The following INTS11 variants were observed in gnomAD, a reference collection of about 807,000 sequenced individuals.
INTS11 encodes CPSF3-like protein.
Under a neutral mutation model 78.6 loss-of-function variants are expected in INTS11, and 77 were observed. The ratio of observed to expected loss-of-function variants is 0.98; its 90% CI spans 0.81 to 1.18. The LOEUF (loss-of-function observed/expected upper bound fraction) is 1.18, where lower values mean the gene tolerates loss of function less well. Among genes scored for constraint, INTS11 ranks in the 50% most tolerant of loss-of-function variants. The probability of loss-of-function intolerance (pLI) is 0.00; values close to 1 mark genes in which losing one functional copy is unlikely to be tolerated. For synonymous variants in INTS11, 441 were observed against 326.9 expected, an observed-to-expected ratio of 1.35 and a Z score of -3.77; for missense variants, 875 against 825.9, an observed-to-expected ratio of 1.06 and a Z score of -0.73.
chr1:1,313,239 C>T, intron 10 of INTS11, 115 bp from the exon 11 acceptor site: 1 of 1,217,554 alleles, frequency 8.2e-7, no homozygotes, highest in East Asian at 2.6e-5. Context: ...CCAGCGGCGC[C>T]CGACCAAGCC....
chr1:1,313,293 C>G, intron 10 of INTS11, 169 bp from the exon 11 acceptor site: 1 of 921,338 alleles, frequency 1.1e-6, no homozygotes, highest in Non-Finnish European at 1.7e-6. Flanking sequence ...ACAAGACTGT[C>G]CAGGGCTGGG....
chr1:1,314,471 G>T lies in INTS11; in HGVS notation c.703-106C>A. 1 of 987,192 alleles carries T rather than the reference G, an allele frequency of 1.0e-6. No individual in the cohort carries two copies. 61.2% of individuals were successfully genotyped at this position (987,192 alleles called of 1,614,324 possible). A position where few individuals can be genotyped will look rare whatever the true frequency, so the allele number is the denominator to read the frequency against. ...TGCCCAAGAGCTGCGGCCTCATAGG[G>T]ACCTTAGCCTCTCATCTGCTCCCAG... On this transcript the variant is annotated intron_variant, in intron 7 of 16. Transcript: ENST00000435064. The surrounding 1 kb of genome is among the most constrained non-coding windows in gnomAD (Gnocchi z 4.2).
chr1:1,321,236 A>C, intron 1 of INTS11, 143 bp from the exon 2 acceptor site: 1 of 619,412 alleles, frequency 1.6e-6, no homozygotes, highest in Non-Finnish European at 2.9e-6. Context: ...AAGCAGGGCC[A>C]CCCCTACTCA....
intron 1 of INTS11, 59 bp downstream of exon 1, chr1:1,324,522 G>C: frequency 6.5e-7 from 1 of 1,537,370 alleles, no homozygotes; most frequent in Non-Finnish European, 8.8e-7. Flanking sequence ...GGGGCGCCCA[G>C]CCCGCCCGGA....
intron 1 of INTS11, among the ~76,000 whole-genome samples, chr1:1,324,179 G>GGGGGCTGGGGGGCTGCTGGGCT (rs1449906347): frequency 6.0e-5 from 1 of 16,636 alleles, no homozygotes; most frequent in South Asian, 1.8e-3. Context: ...TGAGGGGCTG[G>GGGGGCTGGGGGGCTGCTGGGCT]GAGGCTGAGA....
Position 1,312,918 on chromosome 1 carries a change from G to A in INTS11, c.1163C>T (p.Ser388Leu). 6.2e-7 allele frequency: 1 copy of A among 1,612,390 alleles called. No individual in the cohort carries two copies. The highest frequency in any genetic ancestry group is 8.5e-7 in the Non-Finnish European group (1 of 1,179,678). The change falls in exon 12 of 17, where the codon TCA (serine) becomes TTA (leucine). Residue 388 changes from serine to leucine, a missense_variant. Ser to Leu is a moderately radical substitution (Grantham distance 145, BLOSUM62 -2). Coordinates refer to ENST00000435064, the MANE Select transcript of INTS11 (RefSeq NM_017871.6). Reference protein sequence around the residue: ...LEVKMQVEYMSFSAHADAKGI... With the variant: ...LEVKMQVEYMLFSAHADAKGI... ...CTTGGCGTCCGCGTGTGCGCTGAAT[G>A]ACATGTACTCCACCTGCATCTTGAC...
intron 4 of INTS11, chr1:1,316,865 A>T (rs545664177): frequency 5.3e-5 from 8 of 150,162 alleles, no homozygotes; most frequent in Non-Finnish European, 1.0e-4. Flanking sequence ...CGGAGGTTGC[A>T]GTAAGCCGAG....
At position 1,314,097 on chromosome 1, in the gene INTS11, C is replaced by T. The variant is rs1570713446; in HGVS notation, c.768-176G>A. The stretch of plus-strand genomic sequence containing the variant: ...GCAGCAGCCGGGCTCAGCGGAGAAC[C>T]AGGAACCCCTACAAGAGCCGCACAC... On this transcript the variant is annotated intron_variant, in intron 8 of 16. Coordinates refer to ENST00000435064, the MANE Select transcript of INTS11 (RefSeq NM_017871.6). The surrounding 1 kb of genome is among the most constrained non-coding windows in gnomAD (Gnocchi z 4.2). 1.3e-6 allele frequency: 1 copy of T among 775,486 alleles called. No homozygotes were observed. Among genetic ancestry groups the T allele is most frequent in the East Asian group, 2.7e-5 (1 of 37,234 alleles). The allele number at this position is 775,486 out of a possible 1,614,324, so 48.0% of individuals were successfully genotyped here.
At position 1,312,165 on chromosome 1, in the gene INTS11, G is replaced by A; in HGVS notation, c.1608-18C>T. On this transcript the variant is annotated intron_variant, in intron 15 of 16. Coordinates refer to ENST00000435064, the MANE Select transcript of INTS11 (RefSeq NM_017871.6). ...TCAGGACGCTGTGGGGAGGCTCGGT[G>A]AGACCCTGCCTGGCCTCCAGGGCCC... 1 of 1,478,956 alleles carries A rather than the reference G, an allele frequency of 6.8e-7. No individual in the cohort carries two copies. The highest frequency in any genetic ancestry group is 1.5e-5 in the African/African-American group (1 of 66,394). 91.6% of individuals were successfully genotyped at this position (1,478,956 alleles called of 1,614,324 possible). A position where few individuals can be genotyped will look rare whatever the true frequency, so the allele number is the denominator to read the frequency against.
Position 1,312,694 on chromosome 1 carries a change from T to C in INTS11, c.1301A>G (p.Asn434Ser), listed in dbSNP as rs370626483. The change falls in exon 13 of 17, where the codon AAC becomes AGC. Residue 434 changes from asparagine to serine, a missense_variant. Coordinates refer to ENST00000435064, the MANE Select transcript of INTS11 (RefSeq NM_017871.6). ...KQKIEQELRV[N>S]CYMPANGETV... The stretch of plus-strand genomic sequence containing the variant: ...CTCGCCATTGGCCGGCATGTAGCAG[T>C]TGACCCCTGGACCCCGGGGGAAGAG... The C allele has an allele frequency of 3.1e-6, 5 of 1,593,802 alleles. No individual in the cohort carries two copies. Among genetic ancestry groups the C allele is most frequent in the African/African-American group, 2.7e-5 (2 of 74,596 alleles).
chr1:1,322,804 A>G (rs1001993670), intron 1 of INTS11: 1 of 823,090 alleles, frequency 1.2e-6, no homozygotes, highest in Admixed American at 5.2e-5. Context: ...CCAAGGACAC[A>G]GCAGTGGTCC....
At position 1,314,176 on chromosome 1, in the gene INTS11, G is replaced by C; in HGVS notation, c.767+125C>G. The C allele has an allele frequency of 2.1e-6, 2 of 953,834 alleles. No individual in the cohort carries two copies. The highest frequency in any genetic ancestry group is 3.3e-6 in the Non-Finnish European group (2 of 607,734). The allele number at this position is 953,834 out of a possible 1,614,324, so 59.1% of individuals were successfully genotyped here. A position where few individuals can be genotyped will look rare whatever the true frequency, so the allele number is the denominator to read the frequency against. On this transcript the variant is annotated intron_variant, in intron 8 of 16. Transcript: ENST00000435064. This position sits in a 1 kb window ranked among gnomAD's most constrained non-coding sequence, Gnocchi z 4.2. ...CCTGGGGTCACACAGCACACGAGCG[G>C]CCCCCCAGGACAGCAGCAAGCAGGG...
chr1:1,312,279 A>G lies in INTS11; in HGVS notation c.1554T>C (p.His518=), dbSNP rs1189787918. The part of the protein sequence containing the change: ...QLRFTCRVHL[H]DTRKEQETAL... ...CCGTCTCCTGCTCCTTGCGTGTGTC[A>G]TGCAGGTGCACGCGGCAGGTGAAGC... Residue 518 remains histidine, a synonymous_variant, in exon 15 of 17, where the codon CAT becomes CAC. Transcript: ENST00000435064. The G allele has an allele frequency of 1.9e-6, 3 of 1,548,238 alleles. No individual in the cohort carries two copies. The highest frequency in any genetic ancestry group is 1.2e-5 in the South Asian group (1 of 84,072).
In INTS11 at chr1:1,312,208, G is replaced by GGGGGGGGGGA; in HGVS notation, c.1607+17_1607+18insTCCCCCCCCC. On this transcript the variant is annotated intron_variant, in intron 15 of 16. Coordinates refer to ENST00000435064, the MANE Select transcript of INTS11 (RefSeq NM_017871.6). ...CAGGGCCCAAGGGAGTGGGGGGGGG[G>GGGGGGGGGGA]CGGGGCCGGGCGCCCACCTCTTGAG... 1 of 1,123,370 alleles carries GGGGGGGGGGA rather than the reference G, an allele frequency of 8.9e-7. No individual in the cohort carries two copies. Among genetic ancestry groups the GGGGGGGGGGA allele is most frequent in the South Asian group, 1.5e-5 (1 of 68,880 alleles). The allele number at this position is 1,123,370 out of a possible 1,614,324, so 69.6% of individuals were successfully genotyped here.
chr1:1,312,216 G>T lies in INTS11; in HGVS notation c.1607+10C>A. ...AAGGGAGTGGGGGGGGGGCGGGGCC[G>T]GGCGCCCACCTCTTGAGGTGGCTGT... is the stretch of plus-strand genomic sequence containing the variant. On this transcript the variant is annotated intron_variant, in intron 15 of 16. Coordinates refer to ENST00000435064, the MANE Select transcript of INTS11 (RefSeq NM_017871.6). 6.7e-7 allele frequency: 1 copy of T among 1,501,558 alleles called. No individual in the cohort carries two copies. Among genetic ancestry groups the T allele is most frequent in the Non-Finnish European group, 9.0e-7 (1 of 1,113,820 alleles). The allele number at this position is 1,501,558 out of a possible 1,614,324, so 93.0% of individuals were successfully genotyped here.
intron 4 of INTS11, chr1:1,319,004 C>T (rs1225730098): frequency 2.8e-6 from 2 of 717,418 alleles, no homozygotes. Flanking sequence ...AGGGCACCAG[C>T]CTGTCCCACT....
intron 6 of INTS11, 81 bp downstream of exon 6, chr1:1,315,323 A>C: frequency 6.4e-7 from 1 of 1,554,626 alleles, no homozygotes; most frequent in South Asian, 1.1e-5. Context: ...CTGGCCACTC[A>C]AGGGCTGGCA....
intron 4 of INTS11, chr1:1,318,814 A>T (rs1472105879): frequency 1.6e-6 from 1 of 607,924 alleles, no homozygotes; most frequent in Non-Finnish European, 3.0e-6. Context: ...ACAAACCCAT[A>T]ATCTTTGTCA....
intron 3 of INTS11, 76 bp from the exon 4 acceptor site, chr1:1,319,600 C>T (rs1642826326): frequency 1.9e-6 from 2 of 1,040,868 alleles, no homozygotes; most frequent in Non-Finnish European, 2.8e-6. Context: ...TTGTGGGTCA[C>T]TGGCCCCTTC....
Sources: allele counts gnomAD v4.1 joint callset (sites outside exome capture counted in the v4.1 genomes callset), GRCh38; gene constraint gnomAD v4.1.1; non-coding constraint Gnocchi (gnomAD v3.1); transcripts MANE v1.5; gene names NCBI Gene and HGNC (gene_info 2026-07-23, HGNC 2026-07-21).